The following FBXW10 variants were observed in gnomAD, a reference collection of about 807,000 sequenced individuals.
FBXW10 encodes F-box/WD repeat-containing protein 10.
In FBXW10, 68 loss-of-function variants were observed where a neutral mutation model predicts 113.1. The observed-to-expected ratio is 0.60, with a 90% CI of 0.49 to 0.74. The LOEUF (loss-of-function observed/expected upper bound fraction) is 0.74. FBXW10 is among the 30% of genes least tolerant of loss of function. The pLI is 0.00. For synonymous variants in FBXW10, 289 were observed against 481.6 expected, an observed-to-expected ratio of 0.60 and a Z score of 5.24; for missense variants, 753 against 1,284.5, an observed-to-expected ratio of 0.59 and a Z score of 6.32.
rs1356459957 is a variant in FBXW10, at chr17:18,751,023, G to A, written c.1092G>A (p.Val364=). 1.2e-6 allele frequency: 2 copies of A among 1,614,120 alleles called. No homozygotes were observed. Among genetic ancestry groups the A allele is most frequent in the Non-Finnish European group, 1.7e-6 (2 of 1,180,012 alleles). Residue 364 remains valine, a synonymous_variant, in exon 5 of 14, where the codon GTG becomes GTA. Coordinates refer to ENST00000395665, the MANE Select transcript of FBXW10 (RefSeq NM_001267585.2). ...TAGATGACGGGAAGAGCATGCGTGT[G>A]AAACATCCGAAGTGGAAGCTGAGAA... ...KMVDDGKSMR[V]KHPKWKLRTK... is the part of the protein sequence containing the mutation.
intron 12 of FBXW10, among the ~76,000 whole-genome samples, chr17:18,774,482 G>A (rs1402218731): frequency 2.0e-5 from 3 of 152,194 alleles, no homozygotes; most frequent in Non-Finnish European, 4.4e-5. Flanking sequence ...TGGTTGCACG[G>A]TAGGATGACT....
At chr17:18,748,760 A>G (rs1254356911) in intron 2 of FBXW10, among the ~76,000 whole-genome samples, 1 of 152,144 alleles carries the variant, frequency 6.6e-6, no homozygotes, top group Non-Finnish European at 1.5e-5. Context: ...GCCACAATCC[A>G]TTGTCTAGTC....
At chr17:18,747,908 A>C (rs2035069687) in intron 1 of FBXW10, 33 bp from the exon 2 acceptor site, 2 of 1,613,850 alleles carry the variant, frequency 1.2e-6, no homozygotes, top group Non-Finnish European at 1.7e-6. Context: ...ACCCGCTTCA[A>C]GAGCAACCTT....
At chr17:18,775,249 G>C in intron 13 of FBXW10, 57 bp downstream of exon 13, 1 of 1,186,530 alleles carries the variant, frequency 8.4e-7, no homozygotes, top group South Asian at 1.3e-5. Flanking sequence ...TGGTGGGCAG[G>C]AGAATTTGGA....
Position 18,744,370 on chromosome 17 carries a change from A to G in FBXW10, c.126A>G (p.Lys42=). The change falls in exon 1 of 14, where the codon AAA becomes AAG. Residue 42 remains lysine (K), a synonymous_variant. Coordinates refer to ENST00000395665, the MANE Select transcript of FBXW10 (RefSeq NM_001267585.2). The part of the protein sequence containing the change: ...CVLAWKIFST[K]EWFCRINDIS... ...TAGCCTGGAAGATCTTCTCTACCAA[A>G]GAGTGGTTCTGCAGGATCAATGACA... The G allele has an allele frequency of 2.5e-6, 4 of 1,613,854 alleles. No individual in the cohort carries two copies. The highest frequency in any genetic ancestry group is 1.7e-4 in the Middle Eastern group (1 of 6,056).
Position 18,778,717 on chromosome 17 carries a change from G to T in FBXW10, c.2578G>T (p.Gly860Ter). ...SYPRKVLNFK[G>*]KSIQRAVDRL... ...CCCAAGGAAGGTCTTGAATTTCAAA[G>T]GAAAATCAATCCAACGTGCAGTTGA... Residue 860 changes from glycine (G) to a stop codon, truncating the protein, a stop_gained, in exon 14 of 14, where the codon GGA becomes TGA. Coordinates refer to ENST00000395665, the MANE Select transcript of FBXW10 (RefSeq NM_001267585.2). LOFTEE classifies it high-confidence loss of function. The T allele has an allele frequency of 1.2e-6, 2 of 1,613,368 alleles. No homozygotes were observed. Among genetic ancestry groups the T allele is most frequent in the Non-Finnish European group, 1.7e-6 (2 of 1,179,578 alleles).
chr17:18,766,065 A>G lies in FBXW10; in HGVS notation c.1556-649A>G, dbSNP rs1433766567. Among the ~76,000 whole-genome samples, 4 of 150,818 alleles carry G rather than the reference A, an allele frequency of 2.7e-5. No homozygotes were observed. In the East Asian group the frequency reaches 5.9e-4, roughly 22 times the overall value. On this transcript the variant is annotated intron_variant, in intron 8 of 13. Transcript: ENST00000395665. ...TTTAGAAAACCCTGTTCTGCCACCC[A>G]CCCACCCACTCTCATCCCCACTACA...
chr17:18,763,575 G>C (rs972299235), intron 7 of FBXW10, among the ~76,000 whole-genome samples: 6 of 152,180 alleles, frequency 3.9e-5, no homozygotes, highest in African/African-American at 1.4e-4. Context: ...ACTTCAGGCA[G>C]CCTTCTCCAG....
At chr17:18,778,172 G>C (rs1858526162) in intron 13 of FBXW10, among the ~76,000 whole-genome samples, 1 of 152,178 alleles carries the variant, frequency 6.6e-6, no homozygotes, top group South Asian at 2.1e-4. Flanking sequence ...AGAACGGCGT[G>C]AACCCGGAAG....
In FBXW10 at chr17:18,749,919, C is replaced by A. The variant is rs2035126372; in HGVS notation, c.868C>A (p.Leu290Ile). Residue 290 changes from leucine (L) to isoleucine (I), a missense_variant, in exon 3 of 14, where the codon CTA becomes ATA. Leu to Ile is a conservative substitution (Grantham distance 5). Coordinates refer to ENST00000395665, the MANE Select transcript of FBXW10 (RefSeq NM_001267585.2). Reference protein sequence around the residue: ...YLPIHLSKYILRMLDRHTLNK... With the variant: ...YLPIHLSKYIIRMLDRHTLNK... ...GCCCATCCACCTCTCCAAGTACATT[C>A]TAAGTATGCTGGGGTGTATGAGGGG... 1 of 1,613,882 alleles carries A rather than the reference C, an allele frequency of 6.2e-7. No homozygotes were observed. Among genetic ancestry groups the A allele is most frequent in the East Asian group, 2.2e-5 (1 of 44,860 alleles).
chr17:18,756,257 C>A, intron 6 of FBXW10, 103 bp downstream of exon 6: 1 of 1,008,282 alleles, frequency 9.9e-7, no homozygotes, highest in African/African-American at 1.6e-5. Flanking sequence ...GGCAAGCTCT[C>A]CTCACCTCAA....
Position 18,756,112 on chromosome 17 carries a change from A to G in FBXW10, c.1190A>G (p.Asn397Ser), listed in dbSNP as rs1195903721. The change falls in exon 6 of 14, where the codon AAT becomes AGT. Residue 397 changes from asparagine to serine, a missense_variant. Physicochemically the swap from Asn to Ser is conservative, Grantham distance 46. Coordinates refer to ENST00000395665, the MANE Select transcript of FBXW10 (RefSeq NM_001267585.2). ...ETQQVLIEER[N>S]VFCGTYNVRI... The stretch of plus-strand genomic sequence containing the variant: ...CAGCAGGTCCTGATAGAGGAGAGAA[A>G]TGTTTTCTGTGGGACCTACAATGTT... 2.5e-6 allele frequency: 4 copies of G among 1,613,834 alleles called. No individual in the cohort carries two copies. The highest frequency in any genetic ancestry group is 3.4e-6 in the Non-Finnish European group (4 of 1,179,874).
At chr17:18,752,493 T>A (rs915413866) in intron 5 of FBXW10, among the ~76,000 whole-genome samples, 1 of 151,976 alleles carries the variant, frequency 6.6e-6, no homozygotes, top group African/African-American at 2.4e-5. Flanking sequence ...GGCGGGCGGA[T>A]CACTAGGTCA....
At chr17:18,744,974 G>A (rs1428113962) in intron 1 of FBXW10, 28 of 1,421,082 alleles carry the variant, frequency 2.0e-5, no homozygotes, top group Non-Finnish European at 2.4e-5. Context: ...AATGCAGGAG[G>A]AAGTACACAA....
chr17:18,777,921 A>G (rs540898458), intron 13 of FBXW10, among the ~76,000 whole-genome samples: 1 of 152,122 alleles, frequency 6.6e-6, no homozygotes, highest in African/African-American at 2.4e-5. Flanking sequence ...TTAGAGGCTA[A>G]TATACTCTTT....
At chr17:18,774,230 G>T (rs1266567334) in intron 12 of FBXW10, among the ~76,000 whole-genome samples, 1 of 152,214 alleles carries the variant, frequency 6.6e-6, no homozygotes, top group Non-Finnish European at 1.5e-5. Flanking sequence ...CTGGTTAATG[G>T]AAAAGACCTC....
intron 13 of FBXW10, among the ~76,000 whole-genome samples, chr17:18,776,021 G>GAAAAAA (rs71954242): frequency 6.9e-6 from 1 of 143,902 alleles, no homozygotes; most frequent in Non-Finnish European, 1.5e-5. Flanking sequence ...TTAAAGAAAA[G>GAAAAAA]AAAAAAAAAA....
At chr17:18,761,734 TA>T in intron 7 of FBXW10, among the ~76,000 whole-genome samples, 1 of 152,344 alleles carries the variant, frequency 6.6e-6, no homozygotes, top group South Asian at 2.1e-4. Flanking sequence ...CTTAGAGCCT[TA>T]AAGTTTTCTT....
chr17:18,766,069 A>ACTCT (rs2035491873), intron 8 of FBXW10, among the ~76,000 whole-genome samples: 1 of 150,442 alleles, frequency 6.6e-6, no homozygotes, highest in Non-Finnish European at 1.5e-5. Flanking sequence ...CCACCCACCC[A>ACTCT]CCCACTCTCA....
Sources: allele counts gnomAD v4.1 joint callset (sites outside exome capture counted in the v4.1 genomes callset), GRCh38; gene constraint gnomAD v4.1.1; transcripts MANE v1.5; gene names NCBI Gene and HGNC (gene_info 2026-07-23, HGNC 2026-07-21).